NUDCD3: variants seen among roughly 807,000 people sequenced by gnomAD.
NUDCD3 encodes nudC domain-containing protein 3.
NUDCD3 carries 13 observed loss-of-function variants against 39.7 expected under a neutral mutation model. That is an observed-to-expected ratio of 0.33 (90% CI 0.21 to 0.52). The LOEUF is 0.52. Among genes scored for constraint, NUDCD3 ranks in the 20% least tolerant of loss-of-function variants. The pLI is 0.96. For missense variants in NUDCD3, 453 were observed against 458.1 expected, an observed-to-expected ratio of 0.99 and a Z score of 0.10; for synonymous variants, 175 against 172.4, an observed-to-expected ratio of 1.02 and a Z score of -0.12.
At chr7:44,463,058 T>C (rs559539661) in intron 2 of NUDCD3, among the ~76,000 whole-genome samples, 48 of 152,030 alleles carry the variant, frequency 3.2e-4, no homozygotes, top group Non-Finnish European at 6.5e-4. Flanking sequence ...CCTCATGAGA[T>C]AGCTGCTGGC....
chr7:44,412,717 G>A (rs1798951040), intron 3 of NUDCD3, among the ~76,000 whole-genome samples: 2 of 147,002 alleles, frequency 1.4e-5, no homozygotes, highest in South Asian at 2.1e-4. Flanking sequence ...CATGAGGTCA[G>A]GAGATCGAGG....
chr7:44,405,183 ACT>A (rs2116875404), intron 3 of NUDCD3, among the ~76,000 whole-genome samples: 1 of 152,190 alleles, frequency 6.6e-6, no homozygotes. Context: ...TACCACCAAC[ACT>A]CGCACATGGT....
chr7:44,428,124 A>T (rs35831366), intron 2 of NUDCD3, among the ~76,000 whole-genome samples: 1 of 60,882 alleles, frequency 1.6e-5, no homozygotes, highest in Non-Finnish European at 4.3e-5. Flanking sequence ...GTCAATCTTT[A>T]AAAAAAAAAA....
intron 2 of NUDCD3, among the ~76,000 whole-genome samples, chr7:44,439,499 C>T (rs1030768887): frequency 6.6e-6 from 1 of 150,766 alleles, no homozygotes; most frequent in African/African-American, 2.4e-5. Flanking sequence ...GCTCCCTGGA[C>T]AATTCCTTTG....
At chr7:44,399,951 C>T (rs1040701184) in intron 4 of NUDCD3, among the ~76,000 whole-genome samples, 6 of 152,172 alleles carry the variant, frequency 3.9e-5, no homozygotes, top group Admixed American at 3.9e-4. Flanking sequence ...GTGTGCGCAC[C>T]ACGTCAATAC....
chr7:44,388,718 GCA>G (rs1252376223), intron 5 of NUDCD3, among the ~76,000 whole-genome samples: 3 of 152,188 alleles, frequency 2.0e-5, no homozygotes. Context: ...CTGTTGAGGA[GCA>G]GGTCAATCTC....
At chr7:44,443,449 C>T (rs939590493) in intron 2 of NUDCD3, among the ~76,000 whole-genome samples, 1 of 151,560 alleles carries the variant, frequency 6.6e-6, no homozygotes, top group Non-Finnish European at 1.5e-5. Context: ...CTCGCTCTGT[C>T]GCCCAGGCTG....
Position 44,469,128 on chromosome 7 carries a change from A to C in NUDCD3, c.509+15840T>G, listed in dbSNP as rs1162711608. 7.3e-5 allele frequency among the ~76,000 whole-genome samples: 11 copies of C among 149,792 alleles called. No individual in the cohort carries two copies. The South Asian group carries it at 8.4e-4, about 11-fold the overall frequency. ...AAACAAACAAACCAAAAAAAAAAAA[A>C]AAAAAAAAAAAAACAGGAGATTTCA... is the stretch of plus-strand genomic sequence containing the variant. On this transcript the variant is annotated intron_variant, in intron 2 of 5. Transcript: ENST00000355451.
chr7:44,477,348 G>C (rs1800393862), intron 2 of NUDCD3, among the ~76,000 whole-genome samples: 1 of 152,182 alleles, frequency 6.6e-6, no homozygotes. Flanking sequence ...AAAGACAACA[G>C]TTTCTAGGCA....
chr7:44,468,398 G>A lies in NUDCD3; in HGVS notation c.509+16570C>T, dbSNP rs527978513. ...AAAGAAAACTAAGGCCCAGGGAGAC[G>A]AAAGAATTTGTTTGTTCAATGCCAG... On this transcript the variant is annotated intron_variant, in intron 2 of 5. Coordinates refer to ENST00000355451, the MANE Select transcript of NUDCD3 (RefSeq NM_015332.4). 5.5e-4 allele frequency: 559 copies of A among 1,019,586 alleles called. 4 individuals carry two copies. The South Asian group carries it at 6.0e-3, about 11-fold the overall frequency. 63.2% of individuals were successfully genotyped at this position (1,019,586 alleles called of 1,614,324 possible). A position where few individuals can be genotyped will look rare whatever the true frequency, so the allele number is the denominator to read the frequency against.
At chr7:44,460,551 C>T (rs1044531794) in intron 2 of NUDCD3, among the ~76,000 whole-genome samples, 10 of 152,034 alleles carry the variant, frequency 6.6e-5, no homozygotes, top group Admixed American at 2.6e-4. Context: ...ATATATAATA[C>T]TTACCAACAC....
At chr7:44,397,942 TCTC>T in intron 4 of NUDCD3, among the ~76,000 whole-genome samples, 1 of 152,132 alleles carries the variant, frequency 6.6e-6, no homozygotes, top group East Asian at 1.9e-4. Context: ...TCCCCTGACA[TCTC>T]CTGATTAACT....
Position 44,427,672 on chromosome 7 carries a change from T to A in NUDCD3, c.541A>T (p.Ser181Cys). 6.2e-7 allele frequency: 1 copy of A among 1,613,420 alleles called. No individual in the cohort carries two copies. Among genetic ancestry groups the A allele is most frequent in the Non-Finnish European group, 8.5e-7 (1 of 1,179,750 alleles). The part of the protein sequence containing the change: ...IQEQFQKNPD[S>C]YNGAVRENYT... Reference sequence around the variant, plus strand: ...TTCTCTCGGACAGCACCATTGTAACTGTCGGGATTTTTCTGGAACTGCTCC... The same window carrying A: ...TTCTCTCGGACAGCACCATTGTAACAGTCGGGATTTTTCTGGAACTGCTCC... The change falls in exon 3 of 6, where the codon AGT (serine) becomes TGT (cysteine). Residue 181 changes from serine to cysteine, a missense_variant. Physicochemically the swap from Ser to Cys is moderately radical, Grantham distance 112. Transcript: ENST00000355451.
At chr7:44,434,659 C>T (rs990010565) in intron 2 of NUDCD3, among the ~76,000 whole-genome samples, 2 of 152,204 alleles carry the variant, frequency 1.3e-5, no homozygotes, top group Non-Finnish European at 2.9e-5. Flanking sequence ...CCCCAGGCCA[C>T]GGGCTCTGGT....
chr7:44,386,069 C>T lies in NUDCD3; in HGVS notation c.1028G>A (p.Arg343Gln), dbSNP rs1410648930. 6 of 1,613,470 alleles carry T rather than the reference C, an allele frequency of 3.7e-6. No individual in the cohort carries two copies. Among genetic ancestry groups the T allele is most frequent in the East Asian group, 4.5e-5 (2 of 44,898 alleles). The change falls in exon 6 of 6, where the codon CGA (arginine) becomes CAA (glutamine). Residue 343 changes from arginine (R) to glutamine (Q), a missense_variant. Physicochemically the swap from Arg to Gln is conservative, Grantham distance 43. Coordinates refer to ENST00000355451, the MANE Select transcript of NUDCD3 (RefSeq NM_015332.4). ...CATGGCAGGGTCGAATCGCTGGCCT[C>T]GGAAGGGAGAACCTTCAGCATCCCA... is the stretch of plus-strand genomic sequence containing the variant. ...KGWDAEGSPF[R>Q]GQRFDPAMFN...
rs530015476 is a variant in NUDCD3 at position 44,478,082 on chromosome 7, C to T, written c.509+6886G>A. ...CTCCTGACTTCAAATGATCAGCCGG[C>T]CTCGGCCTCTAACAGTGCTGAGATT... On this transcript the variant is annotated intron_variant, in intron 2 of 5. Coordinates refer to ENST00000355451, the MANE Select transcript of NUDCD3 (RefSeq NM_015332.4). 3.9e-5 allele frequency among the ~76,000 whole-genome samples: 6 copies of T among 152,204 alleles called. No individual in the cohort carries two copies. The South Asian group carries it at 6.2e-4, about 16-fold the overall frequency.
intron 2 of NUDCD3, among the ~76,000 whole-genome samples, chr7:44,454,382 T>C (rs1426157327): frequency 6.6e-6 from 1 of 152,156 alleles, no homozygotes. Context: ...TCAAAATAGT[T>C]GGCAAAGAGC....
rs11550029 is a variant in NUDCD3 at position 44,404,523 on chromosome 7, G to A, written c.703C>T (p.Arg235Cys). ...GTGAGCTTCCCTTCCATGAGGACGC[G>A]CTCCCCATTTTCCTCCAGCATGGCC... ...RVAMLEENGERVLMEGKLTHK... is the reference protein window; with the variant it reads ...RVAMLEENGECVLMEGKLTHK... The change falls in exon 4 of 6, where the codon CGC becomes TGC. Residue 235 changes from arginine to cysteine, a missense_variant. Physicochemically the swap from Arg to Cys is radical, Grantham distance 180. Coordinates refer to ENST00000355451, the MANE Select transcript of NUDCD3 (RefSeq NM_015332.4). 270,682 of 1,613,558 alleles carry A rather than the reference G, an allele frequency of 0.17. 24,871 individuals are homozygous for A. Among genetic ancestry groups the A allele is most frequent in the Non-Finnish European group, 0.19 (222,304 of 1,179,718 alleles).
chr7:44,412,214 C>G (rs1282169863), intron 3 of NUDCD3, among the ~76,000 whole-genome samples: 1 of 152,140 alleles, frequency 6.6e-6, no homozygotes, highest in African/African-American at 2.4e-5. Context: ...GTGGATATAT[C>G]CAAAAAACAC....
Sources: gnomAD v4.1 joint callset for allele counts (sites outside exome capture counted in the v4.1 genomes callset) on GRCh38, gnomAD v4.1.1 for gene constraint, MANE v1.5 for transcripts, NCBI Gene and HGNC (gene_info 2026-07-23, HGNC 2026-07-21) for gene names.